Variants in FCRL3 observed in about 807,000 individuals in gnomAD.
FCRL3 encodes the protein Fc receptor-like protein 3.
A neutral mutation model predicts 75.0 loss-of-function variants in FCRL3; 89 were observed. The observed-to-expected ratio is 1.19, with a 90% CI of 1.00 to 1.42. The LOEUF (loss-of-function observed/expected upper bound fraction) is 1.42. FCRL3 is among the 40% of genes most tolerant of loss of function. The probability of loss-of-function intolerance (pLI) is 0.00; values close to 1 mark genes in which losing one functional copy is unlikely to be tolerated. For missense variants in FCRL3, 946 were observed against 880.0 expected (o/e 1.07, Z -0.95); for synonymous variants, 376 against 348.5 (o/e 1.08, Z -0.88).
chr1:157,698,874 A>T (rs562107070), intron 3 of FCRL3, among the ~76,000 whole-genome samples: 3 of 152,366 alleles, frequency 2.0e-5, no homozygotes, highest in Admixed American at 2.0e-4. Flanking sequence ...GCATAGCCTC[A>T]GAAAAGCTCA....
At chr1:157,689,976 T>G (rs1338970781) in intron 9 of FCRL3, 59 bp from the exon 10 acceptor site, 2 of 1,605,230 alleles carry the variant, frequency 1.2e-6, no homozygotes, top group East Asian at 4.5e-5. Context: ...ACAGACAAAA[T>G]CATGCAAGTA....
At position 157,677,342 on chromosome 1, in the gene FCRL3, A is replaced by G; in HGVS notation, c.*1368T>C. 1.0e-6 allele frequency: 1 copy of G among 986,314 alleles called. No homozygotes were observed. Among genetic ancestry groups the G allele is most frequent in the Non-Finnish European group, 1.2e-6 (1 of 830,498 alleles). The allele number at this position is 986,314 out of a possible 1,614,324, so 61.1% of individuals were successfully genotyped here. On this transcript the variant is annotated 3_prime_UTR_variant, in exon 15 of 15. Transcript: ENST00000368184. The stretch of plus-strand genomic sequence containing the variant: ...TAAGACATTCCCTAGGGACTCCAAG[A>G]AATATTGATTAGAGGAAGATGTGGT...
At chr1:157,688,067 G>A (rs1655285761) in intron 10 of FCRL3, among the ~76,000 whole-genome samples, 1 of 151,958 alleles carries the variant, frequency 6.6e-6, no homozygotes, top group Admixed American at 6.6e-5. Context: ...AAAGCAAATA[G>A]CAAAATAGAC....
intron 11 of FCRL3, 38 bp downstream of exon 11, chr1:157,683,179 C>T (rs368380385): frequency 6.2e-7 from 1 of 1,600,262 alleles, no homozygotes; most frequent in Non-Finnish European, 8.5e-7. Context: ...ATAAATAAAT[C>T]ATGAAAATGT....
At chr1:157,680,017 A>G (rs1478203738) in intron 13 of FCRL3, among the ~76,000 whole-genome samples, 1 of 152,090 alleles carries the variant, frequency 6.6e-6, no homozygotes, top group Non-Finnish European at 1.5e-5. Flanking sequence ...CCCAGATTAG[A>G]ATATGGAAAG....
At chr1:157,684,666 T>C (rs564102608) in intron 10 of FCRL3, among the ~76,000 whole-genome samples, 48 of 152,362 alleles carry the variant, frequency 3.2e-4, no homozygotes, top group Non-Finnish European at 6.5e-4. Context: ...TGTGTCATAG[T>C]ACCTAAAAGG....
intron 11 of FCRL3, among the ~76,000 whole-genome samples, chr1:157,681,330 G>A (rs1654827114): frequency 6.6e-6 from 1 of 151,326 alleles, no homozygotes; most frequent in Non-Finnish European, 1.5e-5. Context: ...CCATGCTGGT[G>A]TCCTGCACCC....
chr1:157,696,734 C>T (rs1484386580), intron 6 of FCRL3: 5 of 243,122 alleles, frequency 2.1e-5, no homozygotes, highest in Non-Finnish European at 3.2e-5. Context: ...TCCATGTCTC[C>T]ATGTCTTTCT....
chr1:157,698,773 A>T, intron 3 of FCRL3, 144 bp from the exon 4 acceptor site: 1 of 758,450 alleles, frequency 1.3e-6, no homozygotes. Context: ...GAAATAACCT[A>T]GGGAAATGCC....
At chr1:157,682,670 C>T (rs1654924113) in intron 11 of FCRL3, among the ~76,000 whole-genome samples, 1 of 152,226 alleles carries the variant, frequency 6.6e-6, no homozygotes, top group Admixed American at 6.5e-5. Flanking sequence ...CACTGATACA[C>T]AAAGACCTCT....
intron 6 of FCRL3, chr1:157,696,757 G>A (rs1655935878): frequency 4.5e-6 from 1 of 220,630 alleles, no homozygotes; most frequent in South Asian, 1.2e-4. Context: ...GACTATTACA[G>A]TTCATATTCA....
rs766912318 is a variant in FCRL3, at chr1:157,680,950, T to A, written c.1957+31A>T. ...CCCTCTTCCCTCCCTGGCTCCTCCC[T>A]AGAGCCTTCTGCCCCCTAGGGAGTC... On this transcript the variant is annotated intron_variant, in intron 12 of 14. Transcript: ENST00000368184. 6 of 1,544,544 alleles carry A rather than the reference T, an allele frequency of 3.9e-6. No individual in the cohort carries two copies. The South Asian group carries it at 7.5e-5, about 19-fold the overall frequency.
Position 157,680,741 on chromosome 1 carries a change from A to G in FCRL3, c.1987T>C (p.Ser663Pro). 1.9e-6 allele frequency: 3 copies of G among 1,614,114 alleles called. No homozygotes were observed. The highest frequency in any genetic ancestry group is 1.3e-5 in the African/African-American group (1 of 75,056). The stretch of plus-strand genomic sequence containing the variant: ...GTATGCTGGATGCTCCAGATCTGGG[A>G]ATAAATCGGGTTGCTATCTCCAGGA... ...VNPGDSNPIY[S>P]QIWSIQHTKE... is the part of the protein sequence containing the mutation. Residue 663 changes from serine (S) to proline (P), a missense_variant, in exon 13 of 15, where the codon TCC (serine) becomes CCC (proline). Ser to Pro is a moderately conservative substitution (Grantham distance 74). Transcript: ENST00000368184.
intron 3 of FCRL3, 101 bp downstream of exon 3, chr1:157,699,591 A>G (rs1656181255): frequency 7.9e-7 from 1 of 1,260,074 alleles, no homozygotes; most frequent in Non-Finnish European, 1.1e-6. Context: ...GAGCATTAGC[A>G]TTGCTGATGG....
At chr1:157,688,843 C>T (rs1011248288) in intron 10 of FCRL3, among the ~76,000 whole-genome samples, 1 of 151,994 alleles carries the variant, frequency 6.6e-6, no homozygotes, top group African/African-American at 2.4e-5. Context: ...CAGTCATGAC[C>T]AAGTTGGGTT....
rs750794333 is a variant in FCRL3, at chr1:157,697,322, T to A, written c.662A>T (p.Asp221Val). The A allele has an allele frequency of 6.2e-7, 1 of 1,612,602 alleles. No individual in the cohort carries two copies. The highest frequency in any genetic ancestry group is 8.5e-7 in the Non-Finnish European group (1 of 1,179,128). ...GAAGAGGGAGAATTGCAGCTGGACA[T>A]CTGGCCTCTGTGGAGAGAGCTGGGT... ...CETQLSPQRP[D>V]VQLQFSLFRD... is the part of the protein sequence containing the mutation. Residue 221 changes from aspartate (D) to valine (V), a missense_variant, in exon 6 of 15, where the codon GAT becomes GTT. Coordinates refer to ENST00000368184, the MANE Select transcript of FCRL3 (RefSeq NM_052939.4).
At chr1:157,680,625 A>T in intron 13 of FCRL3, 77 bp downstream of exon 13, 1 of 1,237,682 alleles carries the variant, frequency 8.1e-7, no homozygotes, top group Non-Finnish European at 1.2e-6. Context: ...TATTTGAAAT[A>T]ACTCTGATCA....
At chr1:157,685,196 G>A (rs896279621) in intron 10 of FCRL3, among the ~76,000 whole-genome samples, 1 of 151,480 alleles carries the variant, frequency 6.6e-6, no homozygotes, top group Non-Finnish European at 1.5e-5. Context: ...TTAGAAAATG[G>A]CATCCCAGAT....
intron 8 of FCRL3, among the ~76,000 whole-genome samples, chr1:157,693,802 C>T (rs1257638352): frequency 4.0e-5 from 6 of 151,200 alleles, no homozygotes; most frequent in African/African-American, 1.5e-4. Flanking sequence ...GGCTGGAGTG[C>T]AGTTGTGCAA....
Sources: gnomAD v4.1 joint callset for allele counts (sites outside exome capture counted in the v4.1 genomes callset) on GRCh38, gnomAD v4.1.1 for gene constraint, MANE v1.5 for transcripts, NCBI Gene and HGNC (gene_info 2026-07-23, HGNC 2026-07-21) for gene names.